The following DNER variants were observed in gnomAD, a reference collection of about 807,000 sequenced individuals.
The protein encoded by DNER is delta/notch like EGF repeat containing, also known as delta and Notch-like epidermal growth factor-related receptor.
In DNER, 33 loss-of-function variants were observed where a neutral mutation model predicts 78.2. The observed-to-expected ratio is 0.42, with a 90% CI of 0.32 to 0.56. DNER has a LOEUF of 0.56. Ranked by LOEUF, DNER falls within the 20% of genes least tolerant of loss-of-function variation. DNER has a pLI of 0.11. For synonymous variants in DNER, 417 were observed against 384.8 expected, an observed-to-expected ratio of 1.08 and a Z score of -0.98; for missense variants, 918 against 975.3, an observed-to-expected ratio of 0.94 and a Z score of 0.78.
rs1490274699 is a variant in DNER at position 229,490,570 on chromosome 2, T to TG, written c.1148-13318dup. 2.0e-5 allele frequency among the ~76,000 whole-genome samples: 3 copies of TG among 151,718 alleles called. No homozygotes were observed. In the East Asian group the frequency reaches 5.8e-4, roughly 29 times the overall value. ...ATGTAGATGAGTGGTTGCCTAGAGC[T>TG]GGGGGGTGGGGAGGATGGTAGGGCC... On this transcript the variant is annotated intron_variant, in intron 6 of 12. Coordinates refer to ENST00000341772, the MANE Select transcript of DNER (RefSeq NM_139072.4).
At chr2:229,636,531 T>C (rs1446863406) in intron 1 of DNER, among the ~76,000 whole-genome samples, 1 of 152,142 alleles carries the variant, frequency 6.6e-6, no homozygotes, top group East Asian at 1.9e-4. Context: ...ACTGACTAGG[T>C]CCAGAGAGAG....
chr2:229,635,361 GAAAAA>G (rs58220819), intron 1 of DNER, among the ~76,000 whole-genome samples: 15 of 85,874 alleles, frequency 1.7e-4, no homozygotes, highest in South Asian at 5.3e-4. Context: ...GGTCCCACAG[GAAAAA>G]AAAAAAAAAA....
At chr2:229,585,085 T>A (rs537794195) in intron 4 of DNER, among the ~76,000 whole-genome samples, 1 of 151,984 alleles carries the variant, frequency 6.6e-6, no homozygotes, top group African/African-American at 2.4e-5. Flanking sequence ...TACTTCTGAG[T>A]TGGGGACCCT....
intron 1 of DNER, among the ~76,000 whole-genome samples, chr2:229,707,416 C>G (rs1699846666): frequency 6.6e-6 from 1 of 152,132 alleles, no homozygotes; most frequent in Non-Finnish European, 1.5e-5. Flanking sequence ...GAAAAATATT[C>G]TGCACTTCCC....
chr2:229,597,993 T>A (rs1224590734), intron 1 of DNER, among the ~76,000 whole-genome samples: 1 of 152,186 alleles, frequency 6.6e-6, no homozygotes, highest in East Asian at 1.9e-4. Flanking sequence ...CCTTTAGCCA[T>A]GGCCTGTTTT....
At chr2:229,440,049 A>C (rs75098367) in intron 8 of DNER, among the ~76,000 whole-genome samples, 1 of 152,248 alleles carries the variant, frequency 6.6e-6, no homozygotes, top group African/African-American at 2.4e-5. Context: ...GTTTTCATAC[A>C]TATGGATTAA....
rs1006058543 is a variant in DNER at position 229,545,441 on chromosome 2, G to A, written c.993+1506C>T. Among the ~76,000 whole-genome samples the A allele has an allele frequency of 5.3e-5, 8 of 152,284 alleles. No individual in the cohort carries two copies. The South Asian group carries it at 6.2e-4, about 12-fold the overall frequency. ...AATACAAAAATTAGCTGGACACAGC[G>A]GCACATGCCTGTAATCCCAGCTACT... On this transcript the variant is annotated intron_variant, in intron 5 of 12. Coordinates refer to ENST00000341772, the MANE Select transcript of DNER (RefSeq NM_139072.4).
At chr2:229,467,047 G>A (rs748142842) in intron 7 of DNER, among the ~76,000 whole-genome samples, 11 of 152,226 alleles carry the variant, frequency 7.2e-5, no homozygotes, top group South Asian at 2.1e-4. Flanking sequence ...GGACTGTCAC[G>A]GAAAAGAGGA....
intron 5 of DNER, among the ~76,000 whole-genome samples, chr2:229,530,122 A>C (rs973592947): frequency 6.6e-6 from 1 of 152,242 alleles, no homozygotes; most frequent in Non-Finnish European, 1.5e-5. Context: ...AAGCAAAAAA[A>C]AATTTTAAGT....
At chr2:229,558,074 G>T (rs1026271584) in intron 4 of DNER, among the ~76,000 whole-genome samples, 1 of 152,188 alleles carries the variant, frequency 6.6e-6, no homozygotes. Context: ...CATGTCCTTT[G>T]CAGGGACATG....
intron 4 of DNER, among the ~76,000 whole-genome samples, chr2:229,552,710 T>C (rs1696771780): frequency 6.6e-6 from 1 of 152,218 alleles, no homozygotes; most frequent in South Asian, 2.1e-4. Context: ...ATCTCTTTCC[T>C]TTACAAATTA....
In DNER at chr2:229,495,463, G is replaced by A. The variant is rs151172073; in HGVS notation, c.1147+17320C>T. On this transcript the variant is annotated intron_variant, in intron 6 of 12. Coordinates refer to ENST00000341772, the MANE Select transcript of DNER (RefSeq NM_139072.4). ...ACCAGGAGAGATGGTGTAAGTTCCCGTCTGAAAGCTAGCAGGCTCGAGACC... is the reference window on the plus strand; with the variant it reads ...ACCAGGAGAGATGGTGTAAGTTCCCATCTGAAAGCTAGCAGGCTCGAGACC... Among the ~76,000 whole-genome samples, 469 of 152,220 alleles carry A rather than the reference G, an allele frequency of 3.1e-3. 3 individuals carry two copies. The highest frequency in any genetic ancestry group is 0.01 in the African/African-American group (431 of 41,534).
chr2:229,673,173 T>C (rs897560121), intron 1 of DNER, among the ~76,000 whole-genome samples: 2 of 152,246 alleles, frequency 1.3e-5, no homozygotes, highest in Non-Finnish European at 2.9e-5. Context: ...GCAGCTCAGA[T>C]AAGATTCCTG....
At chr2:229,408,764 A>G (rs1040875240) in intron 9 of DNER, among the ~76,000 whole-genome samples, 3 of 152,192 alleles carry the variant, frequency 2.0e-5, no homozygotes, top group Non-Finnish European at 4.4e-5. Flanking sequence ...CTTCCTATCT[A>G]TATTCACACT....
intron 10 of DNER, among the ~76,000 whole-genome samples, chr2:229,399,147 T>A (rs1386582049): frequency 1.3e-5 from 2 of 151,882 alleles, no homozygotes; most frequent in African/African-American, 4.8e-5. Context: ...GGCATCATTA[T>A]TTATGTAGAA....
intron 5 of DNER, among the ~76,000 whole-genome samples, chr2:229,539,664 G>C (rs6747485): frequency 0.081 from 12,383 of 152,098 alleles, 1,645 homozygotes; most frequent in African/African-American, 0.28. Context: ...TCGTCCCGTT[G>C]ATAGACAGTT....
At chr2:229,364,491 T>C (rs1388671712) in intron 12 of DNER, among the ~76,000 whole-genome samples, 1 of 152,148 alleles carries the variant, frequency 6.6e-6, no homozygotes, top group Admixed American at 6.5e-5. Flanking sequence ...CTGGTTGTTG[T>C]ATTGCCTCAG....
rs376561436 is a variant in DNER, at chr2:229,588,480, T to C, written c.594A>G (p.Pro198=). 40 of 1,497,044 alleles carry C rather than the reference T, an allele frequency of 2.7e-5. No individual in the cohort carries two copies. The East Asian group carries it at 2.9e-4, about 11-fold the overall frequency. The allele number at this position is 1,497,044 out of a possible 1,614,324, so 92.7% of individuals were successfully genotyped here. ...AACTGGCATTCCCACAGGCAATATC[T>C]GGGATCACCTGGGAAGGGAAAAAAA... ...EMKWDQVEVI[P]DIACGNASSN... Residue 198 remains proline (P), a synonymous_variant, in exon 3 of 13, where the codon CCA becomes CCG. Coordinates refer to ENST00000341772, the MANE Select transcript of DNER (RefSeq NM_139072.4).
chr2:229,629,602 G>A (rs573049374), intron 1 of DNER, among the ~76,000 whole-genome samples: 1 of 152,278 alleles, frequency 6.6e-6, no homozygotes, highest in African/African-American at 2.4e-5. Flanking sequence ...AGTCAGCTGT[G>A]GGGCTTCCAG....
Sources: gnomAD v4.1 joint callset for allele counts (sites outside exome capture counted in the v4.1 genomes callset) on GRCh38, gnomAD v4.1.1 for gene constraint, MANE v1.5 for transcripts, NCBI Gene and HGNC (gene_info 2026-07-23, HGNC 2026-07-21) for gene names.